The following RBAK variants were observed in gnomAD, a reference collection of about 807,000 sequenced individuals.
RBAK encodes the protein RB associated KRAB zinc finger.
Under a neutral mutation model 65.8 loss-of-function variants are expected in RBAK, and 39 were observed. The ratio of observed to expected loss-of-function variants is 0.59; its 90% CI spans 0.46 to 0.77. The LOEUF (loss-of-function observed/expected upper bound fraction) is 0.77. Among genes scored for constraint, RBAK ranks in the 30% least tolerant of loss-of-function variants. The probability of loss-of-function intolerance (pLI) is 0.00; values close to 1 mark genes in which losing one functional copy is unlikely to be tolerated. For missense variants in RBAK, 884 were observed against 855.1 expected (o/e 1.03, Z -0.42); for synonymous variants, 343 against 289.7 (o/e 1.18, Z -1.87).
rs187000515 is a variant in RBAK at position 5,056,421 on chromosome 7, A to G, written c.16-874A>G. The stretch of plus-strand genomic sequence containing the variant: ...GCATGAGCCACCATGCCCAGCCCCA[A>G]CCACTTAAAAATTGAAGCTGCTTCC... On this transcript the variant is annotated intron_variant, in intron 2 of 4. Transcript: ENST00000396912. Among the ~76,000 whole-genome samples, 556 of 151,932 alleles carry G rather than the reference A, an allele frequency of 3.7e-3. 1 individual carries two copies. The highest frequency in any genetic ancestry group is 6.4e-3 in the Non-Finnish European group (435 of 67,958).
In RBAK at chr7:5,063,729, C is replaced by A. The variant is rs1438856239; in HGVS notation, c.273C>A (p.Ile91=). The change falls in exon 5 of 5, where the codon ATC becomes ATA. Residue 91 remains isoleucine, a synonymous_variant. Transcript: ENST00000396912. ...GAGTTGATGACCTGATAGAGAGAAT[C>A]CAAGAAAACGAAGACAAACATTCAA... The part of the protein sequence containing the change: ...AWRVDDLIER[I]QENEDKHSRQ... 6.2e-7 allele frequency: 1 copy of A among 1,611,410 alleles called. No homozygotes were observed. Among genetic ancestry groups the A allele is most frequent in the East Asian group, 2.2e-5 (1 of 44,830 alleles).
At chr7:5,049,157 T>C (rs1357477550) in intron 2 of RBAK, among the ~76,000 whole-genome samples, 1 of 152,232 alleles carries the variant, frequency 6.6e-6, no homozygotes, top group Non-Finnish European at 1.5e-5. Context: ...GTTGATATAA[T>C]TGCGGATAGC....
chr7:5,054,169 G>A (rs1788174003), intron 2 of RBAK, among the ~76,000 whole-genome samples: 1 of 152,106 alleles, frequency 6.6e-6, no homozygotes, highest in Non-Finnish European at 1.5e-5. Context: ...CACTTTGGGA[G>A]GCCAAGGAGG....
intron 2 of RBAK, among the ~76,000 whole-genome samples, chr7:5,055,246 A>ATGTGTGTGTG (rs71535173): frequency 1.4e-5 from 2 of 147,018 alleles, no homozygotes; most frequent in East Asian, 2.0e-4. Context: ...TGAGGCATAA[A>ATGTGTGTGTG]TGTGTGTGTG....
chr7:5,060,271 A>G lies in RBAK; in HGVS notation c.238+2492A>G, dbSNP rs746170660. 7.4e-4 allele frequency among the ~76,000 whole-genome samples: 112 copies of G among 152,226 alleles called. 1 individual carries two copies. Among genetic ancestry groups the G allele is most frequent in the Non-Finnish European group, 7.2e-4 (49 of 68,030 alleles). ...AAAGAAAGATCTTTATCATTAATCC[A>G]TCAAGAGATCATTTATTCTGAACCA... On this transcript the variant is annotated intron_variant, in intron 4 of 4. Transcript: ENST00000396912.
At chr7:5,063,596 C>A in intron 4 of RBAK, 99 bp from the exon 5 acceptor site, 2 of 911,298 alleles carry the variant, frequency 2.2e-6, no homozygotes, top group Admixed American at 3.3e-5. Flanking sequence ...GGCTCTAAAG[C>A]CAGAGTCAAC....
rs777371822 is a variant in RBAK, at chr7:5,065,467, A to C, written c.2011A>C (p.Arg671=). The C allele has an allele frequency of 1.9e-5, 31 of 1,606,716 alleles. No homozygotes were observed. The highest frequency in any genetic ancestry group is 2.5e-5 in the Non-Finnish European group (29 of 1,173,724). Reference sequence around the variant, plus strand: ...GAAGTCATACCTCACTGTACACTATAGAACTCATTCAGGAGAGAAACCCTA... The same window carrying C: ...GAAGTCATACCTCACTGTACACTATCGAACTCATTCAGGAGAGAAACCCTA... ...SQKSYLTVHY[R]THSGEKPYEC... is the part of the protein sequence containing the mutation. The change falls in exon 5 of 5, where the codon AGA becomes CGA. Residue 671 remains arginine, a synonymous_variant. Coordinates refer to ENST00000396912, the MANE Select transcript of RBAK (RefSeq NM_021163.4). This position sits in a 1 kb window ranked among gnomAD's most constrained non-coding sequence, Gnocchi z 5.3.
At position 5,065,648 on chromosome 7, in the gene RBAK, G is replaced by C; in HGVS notation, c.*47G>C. ...AAACTCTCTGAATATAATGAATATG[G>C]GGAATCCAATAGGAAGTCAAAGCGT... On this transcript the variant is annotated 3_prime_UTR_variant, in exon 5 of 5. Coordinates refer to ENST00000396912, the MANE Select transcript of RBAK (RefSeq NM_021163.4). The surrounding 1 kb of genome is among the most constrained non-coding windows in gnomAD (Gnocchi z 5.3). 7.4e-7 allele frequency: 1 copy of C among 1,348,698 alleles called. No individual in the cohort carries two copies. The highest frequency in any genetic ancestry group is 1.7e-5 in the South Asian group (1 of 60,586). 83.5% of individuals were successfully genotyped at this position (1,348,698 alleles called of 1,614,324 possible). A position where few individuals can be genotyped will look rare whatever the true frequency, so the allele number is the denominator to read the frequency against.
chr7:5,054,344 G>T (rs1788178143), intron 2 of RBAK, among the ~76,000 whole-genome samples: 1 of 151,080 alleles, frequency 6.6e-6, no homozygotes, highest in Non-Finnish European at 1.5e-5. Context: ...GACGGAGGTT[G>T]CAGTGAGCCA....
In RBAK at chr7:5,064,387, C is replaced by A; in HGVS notation, c.931C>A (p.His311Asn). Residue 311 changes from histidine (H) to asparagine (N), a missense_variant, in exon 5 of 5, where the codon CAC becomes AAC. His to Asn is a moderately conservative substitution (Grantham distance 68). Transcript: ENST00000396912. The surrounding 1 kb of genome is among the most constrained non-coding windows in gnomAD (Gnocchi z 6.3). ...KGTLTVHRRSHLEEKPYKCNE... is the reference protein window; with the variant it reads ...KGTLTVHRRSNLEEKPYKCNE... ...AACCCTCACTGTACATCGGAGATCA[C>A]ACTTAGAGGAGAAGCCCTATAAATG... 1 of 1,613,942 alleles carries A rather than the reference C, an allele frequency of 6.2e-7. No homozygotes were observed. Among genetic ancestry groups the A allele is most frequent in the Non-Finnish European group, 8.5e-7 (1 of 1,179,936 alleles).
intron 4 of RBAK, among the ~76,000 whole-genome samples, chr7:5,062,121 T>C (rs11979787): frequency 0.097 from 14,770 of 152,230 alleles, 1,101 homozygotes; most frequent in East Asian, 0.4. Context: ...TCTTGCAGTT[T>C]AATATAAATT....
intron 2 of RBAK, among the ~76,000 whole-genome samples, chr7:5,049,999 G>A (rs1340664387): frequency 1.3e-5 from 2 of 152,156 alleles, no homozygotes; most frequent in Admixed American, 6.5e-5. Context: ...GATTACAGGC[G>A]TGAGCCACTG....
intron 4 of RBAK, among the ~76,000 whole-genome samples, chr7:5,062,444 G>A (rs1191942118): frequency 1.3e-5 from 2 of 152,176 alleles, no homozygotes; most frequent in African/African-American, 2.4e-5. Flanking sequence ...GTACAAACAG[G>A]TGTGGGTCAC....
In RBAK at chr7:5,046,348, C is replaced by A. The variant is rs1787982543; in HGVS notation, c.-93C>A. The A allele has an allele frequency of 3.9e-6, 2 of 515,666 alleles. No homozygotes were observed. The highest frequency in any genetic ancestry group is 3.9e-6 in the Non-Finnish European group (1 of 259,296). 31.9% of individuals were successfully genotyped at this position (515,666 alleles called of 1,614,324 possible). On this transcript the variant is annotated 5_prime_UTR_variant, in exon 1 of 5. Transcript: ENST00000396912. Reference sequence around the variant, plus strand: ...ACGCGCGCCAGCGACAGCAGCCCCGCCCCGGCCTCTCGGGAGCCGTGGGGC... The same window carrying A: ...ACGCGCGCCAGCGACAGCAGCCCCGACCCGGCCTCTCGGGAGCCGTGGGGC...
In RBAK at chr7:5,064,262, C is replaced by A. The variant is rs781264268; in HGVS notation, c.806C>A (p.Ser269Tyr). ...TTTGAATGCAGTGAATGTGGAAAAT[C>A]CTTCTGTAAAAAGTCAAAATTCATC... is the stretch of plus-strand genomic sequence containing the variant. The part of the protein sequence containing the change: ...KPFECSECGK[S>Y]FCKKSKFIIH... The change falls in exon 5 of 5, where the codon TCC becomes TAC. Residue 269 changes from serine (S) to tyrosine (Y), a missense_variant. Coordinates refer to ENST00000396912, the MANE Select transcript of RBAK (RefSeq NM_021163.4). This position sits in a 1 kb window ranked among gnomAD's most constrained non-coding sequence, Gnocchi z 6.3. 10 of 1,614,040 alleles carry A rather than the reference C, an allele frequency of 6.2e-6. No individual in the cohort carries two copies. The South Asian group carries it at 9.9e-5, about 16-fold the overall frequency.
rs1329843233 is a variant in RBAK, at chr7:5,065,140, T to G, written c.1684T>G (p.Ser562Ala). Residue 562 changes from serine to alanine, a missense_variant, in exon 5 of 5, where the codon TCA (serine) becomes GCA (alanine). Physicochemically the swap from Ser to Ala is moderately conservative, Grantham distance 99. Transcript: ENST00000396912. This position sits in a 1 kb window ranked among gnomAD's most constrained non-coding sequence, Gnocchi z 5.3. ...CTATACTGAACATTATAGAAGTCAT[T>G]CAGAAGAGAAACCTTATGGATGTAG... is the stretch of plus-strand genomic sequence containing the variant. ...SYYTEHYRSHSEEKPYGCSEC... is the reference protein window; with the variant it reads ...SYYTEHYRSHAEEKPYGCSEC... 3 of 1,613,992 alleles carry G rather than the reference T, an allele frequency of 1.9e-6. No individual in the cohort carries two copies. The African/African-American group carries it at 4.0e-5, about 22-fold the overall frequency.
At chr7:5,062,767 G>A (rs767507788) in intron 4 of RBAK, among the ~76,000 whole-genome samples, 4 of 152,150 alleles carry the variant, frequency 2.6e-5, no homozygotes, top group African/African-American at 4.8e-5. Flanking sequence ...ACCCCTAGGC[G>A]CATATTCTCT....
At chr7:5,053,667 C>T (rs1788163600) in intron 2 of RBAK, among the ~76,000 whole-genome samples, 1 of 152,204 alleles carries the variant, frequency 6.6e-6, no homozygotes, top group South Asian at 2.1e-4. Context: ...TCTTTTTTCT[C>T]TGTTTCATTT....
At chr7:5,057,093 TA>T (rs1778937448) in intron 2 of RBAK, 1 of 202,442 alleles carries the variant, frequency 4.9e-6, no homozygotes, top group South Asian at 1.7e-4. Context: ...ATATTATATA[TA>T]TTTATATATA....
Sources: gnomAD v4.1 joint callset for allele counts (sites outside exome capture counted in the v4.1 genomes callset) on GRCh38, gnomAD v4.1.1 for gene constraint, Gnocchi (gnomAD v3.1) non-coding constraint, MANE v1.5 for transcripts, NCBI Gene and HGNC (gene_info 2026-07-23, HGNC 2026-07-21) for gene names.